PCDHGA1: variants seen among roughly 807,000 people sequenced by gnomAD.
PCDHGA1 encodes the protein protocadherin gamma subfamily A, 1, also known as protocadherin gamma-A1.
In PCDHGA1, 32 loss-of-function variants were observed where a neutral mutation model predicts 58.0. The observed-to-expected ratio is 0.55, with a 90% CI of 0.42 to 0.74. The LOEUF (loss-of-function observed/expected upper bound fraction) is 0.74, where lower values mean the gene tolerates loss of function less well. PCDHGA1 is among the 30% of genes least tolerant of loss of function. The pLI, the probability that PCDHGA1 is intolerant of heterozygous loss-of-function variation, is 0.00. For missense variants in PCDHGA1, 1,205 were observed against 1,182.3 expected, an observed-to-expected ratio of 1.02 and a Z score of -0.28; for synonymous variants, 498 against 501.1, an observed-to-expected ratio of 0.99 and a Z score of 0.08.
chr5:141,473,029 G>A (rs62379204), intron 1 of PCDHGA1, among the ~76,000 whole-genome samples: 15,982 of 147,800 alleles, frequency 0.11, 873 homozygotes, highest in South Asian at 0.15. Flanking sequence ...AAGGAAGGAA[G>A]GAAGGAAAGA....
intron 1 of PCDHGA1, chr5:141,356,118 T>C: frequency 6.2e-7 from 1 of 1,613,582 alleles, no homozygotes; most frequent in Non-Finnish European, 8.5e-7. Flanking sequence ...TATTGGGGGG[T>C]CTAGATTATG....
At chr5:141,362,765 G>A (rs982398782) in intron 1 of PCDHGA1, 1 of 620,542 alleles carries the variant, frequency 1.6e-6, no homozygotes, top group South Asian at 2.2e-5. Context: ...TATCACATGA[G>A]ATATTGCACT....
At chr5:141,502,300 TTCCTC>T (rs139569110) in intron 2 of PCDHGA1, among the ~76,000 whole-genome samples, 4,853 of 152,256 alleles carry the variant, frequency 0.032, 250 homozygotes, top group African/African-American at 0.11. Flanking sequence ...TGTCACGTCT[TTCCTC>T]TCCTTTAATC....
chr5:141,398,938 G>T (rs201463346), intron 1 of PCDHGA1: 467 of 1,613,840 alleles, frequency 2.9e-4, no homozygotes, highest in Non-Finnish European at 3.7e-4. Context: ...TGACCAAGAC[G>T]AGGGCATCAA....
At chr5:141,356,892 C>T in intron 1 of PCDHGA1, 5 of 1,614,200 alleles carry the variant, frequency 3.1e-6, no homozygotes, top group Non-Finnish European at 4.2e-6. Flanking sequence ...AGATCCTGTA[C>T]CCCACCTTCC....
rs558972594 is a variant in PCDHGA1 at position 141,485,292 on chromosome 5, A to G, written c.2422-9515A>G. ...CGCTACCCGGTCCCAGAGGAGTCAC[A>G]GGAAGGGACTTTTGTAGGGAATGTC... On this transcript the variant is annotated intron_variant, in intron 1 of 3. Coordinates refer to ENST00000517417, the MANE Select transcript of PCDHGA1 (RefSeq NM_018912.3). The surrounding 1 kb of genome is among the most constrained non-coding windows in gnomAD (Gnocchi z 5.7). 1 of 1,614,120 alleles carries G rather than the reference A, an allele frequency of 6.2e-7. No individual in the cohort carries two copies. Among genetic ancestry groups the G allele is most frequent in the African/African-American group, 1.3e-5 (1 of 75,058 alleles).
At chr5:141,341,451 A>T in intron 1 of PCDHGA1, 1 of 1,607,562 alleles carries the variant, frequency 6.2e-7, no homozygotes, top group Non-Finnish European at 8.5e-7. Context: ...TAATTCACTT[A>T]CTTGTTTACT....
intron 1 of PCDHGA1, among the ~76,000 whole-genome samples, chr5:141,353,204 C>A (rs780316002): frequency 5.9e-5 from 9 of 152,106 alleles, no homozygotes; most frequent in Non-Finnish European, 8.8e-5. Flanking sequence ...GCTAAAGAGA[C>A]CTGTTTCCTA....
chr5:141,346,246 C>G (rs767979192), intron 1 of PCDHGA1: 1 of 1,614,200 alleles, frequency 6.2e-7, no homozygotes, highest in South Asian at 1.1e-5. Flanking sequence ...ACGCCCGGCT[C>G]GCACTTTGTG....
At position 141,459,533 on chromosome 5, in the gene PCDHGA1, A is replaced by AT. The variant is rs956234847; in HGVS notation, c.2422-35266dup. Among the ~76,000 whole-genome samples the AT allele has an allele frequency of 1.2e-4, 18 of 152,018 alleles. No homozygotes were observed. In the South Asian group the frequency reaches 2.3e-3, roughly 19 times the overall value. ...CATGTACAAGTATTTTTGTAGGCAT[A>AT]TTTTTTTTATTTCTCTTGGATAAAT... is the stretch of plus-strand genomic sequence containing the variant. On this transcript the variant is annotated intron_variant, in intron 1 of 3. Transcript: ENST00000517417.
intron 1 of PCDHGA1, chr5:141,345,642 A>C: frequency 6.2e-7 from 1 of 1,614,214 alleles, no homozygotes; most frequent in Non-Finnish European, 8.5e-7. Context: ...AGCCAGCGAC[A>C]GCGGGAACCC....
intron 1 of PCDHGA1, chr5:141,374,414 G>A: frequency 1.9e-6 from 3 of 1,614,026 alleles, no homozygotes; most frequent in Non-Finnish European, 1.7e-6. Context: ...CATCCTTGTC[G>A]AGGATAAACT....
chr5:141,404,372 G>A (rs747130914), intron 1 of PCDHGA1: 7 of 1,613,844 alleles, frequency 4.3e-6, no homozygotes, highest in South Asian at 1.1e-5. Context: ...CATCTTCTCC[G>A]TGATTGCCTA....
At chr5:141,357,306 C>T in intron 1 of PCDHGA1, 5 of 1,614,076 alleles carry the variant, frequency 3.1e-6, no homozygotes, top group Non-Finnish European at 4.2e-6. Context: ...CTGTCTCCTG[C>T]GTCTTCCTGG....
At position 141,332,893 on chromosome 5, in the gene PCDHGA1, G is replaced by T. The variant is rs113017417; in HGVS notation, c.2209G>T (p.Gly737Cys). The change falls in exon 1 of 4, where the codon GGT (glycine) becomes TGT (cysteine). Residue 737 changes from glycine to cysteine, a missense_variant. Transcript: ENST00000517417. This position sits in a 1 kb window ranked among gnomAD's most constrained non-coding sequence, Gnocchi z 4.6. ...GGGAGGCGGCTTAGCGAGCATGCCC[G>T]GTTCGCACTTTGTGGGCGTGGACGG... ...ASGGGLASMP[G>C]SHFVGVDGVR... The T allele has an allele frequency of 2.5e-6, 4 of 1,614,188 alleles. No individual in the cohort carries two copies. In the Admixed American group the frequency reaches 6.7e-5, roughly 27 times the overall value.
intron 2 of PCDHGA1, 58 bp downstream of exon 2, chr5:141,494,923 G>T: frequency 6.2e-7 from 1 of 1,613,698 alleles, no homozygotes; most frequent in Non-Finnish European, 8.5e-7. Context: ...CAGGGATGAC[G>T]TGGGAGGAGA....
At chr5:141,338,926 A>G (rs1383846472) in intron 1 of PCDHGA1, 3 of 1,519,686 alleles carry the variant, frequency 2.0e-6, no homozygotes, top group African/African-American at 2.8e-5. Flanking sequence ...TGGAATCCGC[A>G]CTGGATGCTG....
intron 1 of PCDHGA1, chr5:141,365,766 C>T (rs6882138): frequency 0.023 from 36,892 of 1,613,774 alleles, 970 homozygotes; most frequent in African/African-American, 0.14. Context: ...GCCCATGACC[C>T]CGACAGCGGC....
At chr5:141,375,421 C>G in intron 1 of PCDHGA1, 1 of 1,613,998 alleles carries the variant, frequency 6.2e-7, no homozygotes, top group South Asian at 1.1e-5. Flanking sequence ...CAGACACCAA[C>G]GACAACCCGC....
Sources: allele counts gnomAD v4.1 joint callset (sites outside exome capture counted in the v4.1 genomes callset), GRCh38; gene constraint gnomAD v4.1.1; non-coding constraint Gnocchi (gnomAD v3.1); transcripts MANE v1.5; gene names NCBI Gene and HGNC (gene_info 2026-07-23, HGNC 2026-07-21).